NIPBL: variants seen among roughly 807,000 people sequenced by gnomAD.
NIPBL encodes nipped-B-like protein.
A neutral mutation model predicts 321.8 loss-of-function variants in NIPBL; 19 were observed. That is an observed-to-expected ratio of 0.06 (90% CI 0.04 to 0.09). The LOEUF (loss-of-function observed/expected upper bound fraction) is 0.09. Among genes scored for constraint, NIPBL ranks in the 10% least tolerant of loss-of-function variants. The pLI, the probability that NIPBL is intolerant of heterozygous loss-of-function variation, is 1.00. For missense variants in NIPBL, 2,210 were observed against 3,327.0 expected, an observed-to-expected ratio of 0.66 and a Z score of 8.26; for synonymous variants, 1,106 against 1,114.1, an observed-to-expected ratio of 0.99 and a Z score of 0.14.
chr5:37,031,985 G>C (rs1343040433), intron 32 of NIPBL, among the ~76,000 whole-genome samples: 1 of 152,200 alleles, frequency 6.6e-6, no homozygotes, highest in Non-Finnish European at 1.5e-5. Context: ...TTTCAGGGAT[G>C]ATAGTTATGG....
At chr5:37,036,689 G>C (rs1579524871) in intron 33 of NIPBL, among the ~76,000 whole-genome samples, 2 of 149,448 alleles carry the variant, frequency 1.3e-5, no homozygotes, top group African/African-American at 4.9e-5. Context: ...ATTATCTAGA[G>C]CATTGTAATA....
Position 36,938,078 on chromosome 5 carries a change from G to T in NIPBL, c.-79-15540G>T, listed in dbSNP as rs948503796. 3.9e-5 allele frequency among the ~76,000 whole-genome samples: 6 copies of T among 152,190 alleles called. No homozygotes were observed. The East Asian group carries it at 1.2e-3, about 29-fold the overall frequency. ...GGCAGATTATATTTCCTTGCCCCCT[G>T]ACTTTGGATTTGCTCATAGGACTTA... On this transcript the variant is annotated intron_variant, in intron 1 of 46. Transcript: ENST00000282516.
chr5:36,958,816 A>G (rs1018887638), intron 4 of NIPBL, among the ~76,000 whole-genome samples: 1 of 152,186 alleles, frequency 6.6e-6, no homozygotes, highest in Admixed American at 6.5e-5. Context: ...GAATTTGACA[A>G]GCCCAAGTGC....
intron 1 of NIPBL, among the ~76,000 whole-genome samples, chr5:36,916,380 C>G (rs1748459788): frequency 6.6e-6 from 1 of 152,166 alleles, no homozygotes; most frequent in Non-Finnish European, 1.5e-5. Flanking sequence ...CTAAAAGTAT[C>G]TCTTTGGGTT....
At chr5:36,939,118 T>C (rs2149581021) in intron 1 of NIPBL, among the ~76,000 whole-genome samples, 1 of 152,272 alleles carries the variant, frequency 6.6e-6, no homozygotes, top group Non-Finnish European at 1.5e-5. Context: ...TCCTTACACC[T>C]CAGCCTCCCA....
intron 10 of NIPBL, among the ~76,000 whole-genome samples, chr5:36,992,364 A>G (rs1745624852): frequency 6.6e-6 from 1 of 152,244 alleles, no homozygotes; most frequent in African/African-American, 2.4e-5. Flanking sequence ...ATACATCATC[A>G]TATACTAAGA....
At chr5:37,041,252 G>GTGTTTTTTT (rs1752315050) in intron 34 of NIPBL, among the ~76,000 whole-genome samples, 1 of 64,006 alleles carries the variant, frequency 1.6e-5, no homozygotes, top group African/African-American at 9.2e-5. Context: ...TTATGTGGTG[G>GTGTTTTTTT]TTTTTTTTTT....
At chr5:37,052,628 A>G (rs1348787070) in intron 42 of NIPBL, 62 bp downstream of exon 42, 2 of 1,294,166 alleles carry the variant, frequency 1.5e-6, no homozygotes, top group Non-Finnish European at 1.1e-6. Context: ...TGGATAAAGT[A>G]GTCATTTTTT....
chr5:37,022,393 A>G lies in NIPBL; in HGVS notation c.5574+3A>G. The G allele has an allele frequency of 6.3e-7, 1 of 1,597,184 alleles. No homozygotes were observed. The highest frequency in any genetic ancestry group is 8.6e-7 in the Non-Finnish European group (1 of 1,168,352). Reference sequence around the variant, plus strand: ...ATATGCTGATTGAAAGAATATTGGTATGTTTGTCATTTTTATAATGATTCG... The same window carrying G: ...ATATGCTGATTGAAAGAATATTGGTGTGTTTGTCATTTTTATAATGATTCG... On this transcript the variant is annotated splice_donor_region_variant and intron_variant, in intron 29 of 46. Coordinates refer to ENST00000282516, the MANE Select transcript of NIPBL (RefSeq NM_133433.4).
intron 32 of NIPBL, among the ~76,000 whole-genome samples, chr5:37,029,082 G>A (rs1224079537): frequency 6.6e-6 from 1 of 151,996 alleles, no homozygotes; most frequent in Non-Finnish European, 1.5e-5. Flanking sequence ...CCTCATAGGT[G>A]GTGTTGAATA....
intron 34 of NIPBL, 70 bp from the exon 35 acceptor site, chr5:37,044,277 A>T: frequency 6.9e-7 from 1 of 1,440,392 alleles, no homozygotes; most frequent in Non-Finnish European, 9.6e-7. Context: ...CTGCCCCCAA[A>T]TACGTAAAGC....
At chr5:36,952,073 C>T (rs1580315386) in intron 1 of NIPBL, among the ~76,000 whole-genome samples, 1 of 122,680 alleles carries the variant, frequency 8.2e-6, no homozygotes, top group Non-Finnish European at 1.8e-5. Context: ...CGCGCGCGCG[C>T]ATGTGTGTGT....
intron 11 of NIPBL, among the ~76,000 whole-genome samples, chr5:36,998,865 G>A (rs1405040521): frequency 6.6e-6 from 1 of 152,086 alleles, no homozygotes; most frequent in Admixed American, 6.6e-5. Context: ...CATAAAAGAG[G>A]AACAGTCCTA....
intron 10 of NIPBL, 69 bp from the exon 11 acceptor site, chr5:36,995,553 A>T (rs1214768791): frequency 3.0e-6 from 3 of 1,010,266 alleles, no homozygotes; most frequent in Non-Finnish European, 4.6e-6. Flanking sequence ...TTATTATGCT[A>T]ACTTAGTTAA....
At chr5:37,010,358 C>G (rs1446173306) in intron 21 of NIPBL, 133 bp downstream of exon 21, 1 of 709,436 alleles carries the variant, frequency 1.4e-6, no homozygotes, top group East Asian at 3.3e-5. Context: ...CTCTGTCACC[C>G]AGGCTGGAGT....
intron 1 of NIPBL, among the ~76,000 whole-genome samples, chr5:36,939,776 G>A (rs576494661): frequency 2.6e-4 from 40 of 152,226 alleles, no homozygotes; most frequent in African/African-American, 9.6e-4. Flanking sequence ...GACATTAGTG[G>A]GGAGAAATAG....
At chr5:37,025,246 A>G (rs150493164) in intron 30 of NIPBL, among the ~76,000 whole-genome samples, 1 of 152,314 alleles carries the variant, frequency 6.6e-6, no homozygotes, top group East Asian at 1.9e-4. Flanking sequence ...GTGAGACTCC[A>G]TCTCAAAAAA....
chr5:36,910,258 A>G (rs1401902121), intron 1 of NIPBL, among the ~76,000 whole-genome samples: 1 of 152,198 alleles, frequency 6.6e-6, no homozygotes, highest in African/African-American at 2.4e-5. Context: ...TTTCTAGAAC[A>G]TGATTGGTCC....
intron 40 of NIPBL, among the ~76,000 whole-genome samples, chr5:37,049,526 C>T (rs1753306717): frequency 6.6e-6 from 1 of 152,086 alleles, no homozygotes; most frequent in Admixed American, 6.5e-5. Context: ...TTTCTATTGG[C>T]AGAACATATA....
Sources: allele counts gnomAD v4.1 joint callset (sites outside exome capture counted in the v4.1 genomes callset), GRCh38; gene constraint gnomAD v4.1.1; transcripts MANE v1.5; gene names NCBI Gene and HGNC (gene_info 2026-07-23, HGNC 2026-07-21).